Variants in OSBPL8 observed in about 807,000 individuals in gnomAD.
OSBPL8 encodes oxysterol binding protein like 8.
Under a neutral mutation model 125.5 loss-of-function variants are expected in OSBPL8, and 59 were observed. The observed-to-expected ratio is 0.47, with a 90% CI of 0.38 to 0.58. OSBPL8 has a LOEUF of 0.58. Ranked by LOEUF, OSBPL8 falls within the 20% of genes least tolerant of loss-of-function variation. The pLI is 0.00. For missense variants in OSBPL8, 758 were observed against 1,047.8 expected, an observed-to-expected ratio of 0.72 and a Z score of 3.82; for synonymous variants, 330 against 338.9, an observed-to-expected ratio of 0.97 and a Z score of 0.29.
chr12:76,529,528 G>C (rs1375230698), intron 1 of OSBPL8, among the ~76,000 whole-genome samples: 1 of 117,824 alleles, frequency 8.5e-6, no homozygotes, highest in South Asian at 2.7e-4. Flanking sequence ...CTACCAAACA[G>C]AAAAAAAAAA....
intron 2 of OSBPL8, among the ~76,000 whole-genome samples, chr12:76,462,303 A>G (rs915412209): frequency 6.6e-6 from 1 of 152,190 alleles, no homozygotes; most frequent in African/African-American, 2.4e-5. Context: ...AATCCTTAGC[A>G]TATACAACTA....
chr12:76,357,001 T>C (rs1398112866), intron 22 of OSBPL8, among the ~76,000 whole-genome samples: 1 of 152,218 alleles, frequency 6.6e-6, no homozygotes, highest in Non-Finnish European at 1.5e-5. Flanking sequence ...TAGAAATACA[T>C]ATTAACTTGA....
intron 4 of OSBPL8, among the ~76,000 whole-genome samples, chr12:76,427,540 T>TA (rs145544422): frequency 7.3e-5 from 11 of 151,246 alleles, no homozygotes; most frequent in Admixed American, 1.3e-4. Flanking sequence ...CTTCAATAAT[T>TA]AAAAAAAAAC....
chr12:76,407,585 G>C (rs1954323100), intron 5 of OSBPL8, among the ~76,000 whole-genome samples: 1 of 152,186 alleles, frequency 6.6e-6, no homozygotes, highest in Non-Finnish European at 1.5e-5. Flanking sequence ...AGCAACTATA[G>C]ACATCTTAAG....
At chr12:76,513,516 A>T (rs986692148) in intron 1 of OSBPL8, among the ~76,000 whole-genome samples, 7 of 152,190 alleles carry the variant, frequency 4.6e-5, no homozygotes, top group African/African-American at 1.7e-4. Context: ...TAATACTGTC[A>T]GTGGAGTGTT....
chr12:76,454,542 A>G (rs1873784164), intron 3 of OSBPL8, among the ~76,000 whole-genome samples: 1 of 151,976 alleles, frequency 6.6e-6, no homozygotes, highest in South Asian at 2.1e-4. Context: ...AAAAATTAAA[A>G]AAAGTTAGCT....
chr12:76,423,933 T>A (rs1370796928), intron 4 of OSBPL8, among the ~76,000 whole-genome samples: 2 of 152,146 alleles, frequency 1.3e-5, no homozygotes, highest in African/African-American at 4.8e-5. Flanking sequence ...ATGCACAACA[T>A]CTCATATAAT....
intron 2 of OSBPL8, among the ~76,000 whole-genome samples, chr12:76,462,755 A>T (rs1257449669): frequency 6.6e-6 from 1 of 152,196 alleles, no homozygotes; most frequent in Non-Finnish European, 1.5e-5. Context: ...AGGCTTCAAT[A>T]CAGAGTTGAC....
At chr12:76,529,673 T>C (rs981191744) in intron 1 of OSBPL8, among the ~76,000 whole-genome samples, 10 of 152,152 alleles carry the variant, frequency 6.6e-5, no homozygotes, top group Non-Finnish European at 1.5e-4. Flanking sequence ...GAGATAAGAA[T>C]AGGCTCATTA....
At chr12:76,428,728 G>A (rs1870455447) in intron 4 of OSBPL8, among the ~76,000 whole-genome samples, 1 of 152,108 alleles carries the variant, frequency 6.6e-6, no homozygotes, top group South Asian at 2.1e-4. Flanking sequence ...ATGAGTATCT[G>A]AAGACTGTAG....
intron 1 of OSBPL8, among the ~76,000 whole-genome samples, chr12:76,524,528 G>A (rs1950112582): frequency 6.6e-6 from 1 of 151,882 alleles, no homozygotes; most frequent in African/African-American, 2.4e-5. Context: ...TATAATAATT[G>A]GAAAGTGTTG....
At chr12:76,438,390 C>T (rs1465660347) in intron 4 of OSBPL8, among the ~76,000 whole-genome samples, 1 of 151,420 alleles carries the variant, frequency 6.6e-6, no homozygotes, top group Non-Finnish European at 1.5e-5. Context: ...GCAACATCAA[C>T]CTTCCTGTAC....
Position 76,410,939 on chromosome 12 carries a change from G to A in OSBPL8, c.218-305C>T, listed in dbSNP as rs191587340. ...TTCTAGTGAGCTGGTTTCCAGCAAC[G>A]AATTCTAACTCACGGAACCAACTCA... On this transcript the variant is annotated intron_variant, in intron 4 of 23. Transcript: ENST00000261183. Among the ~76,000 whole-genome samples the A allele has an allele frequency of 1.4e-3, 212 of 152,254 alleles. No individual in the cohort carries two copies. The Middle Eastern group carries it at 0.017, about 12-fold the overall frequency.
intron 2 of OSBPL8, among the ~76,000 whole-genome samples, chr12:76,467,421 C>T (rs73383599): frequency 0.033 from 4,987 of 152,238 alleles, 251 homozygotes; most frequent in African/African-American, 0.11. Flanking sequence ...TATGTTTGGA[C>T]ATTATTGCAT....
chr12:76,384,170 T>C (rs1265276583), intron 15 of OSBPL8, 84 bp downstream of exon 15: 10 of 659,060 alleles, frequency 1.5e-5, no homozygotes, highest in Non-Finnish European at 2.4e-5. Context: ...TTGTTGAAAA[T>C]AGCCCATGAC....
intron 1 of OSBPL8, among the ~76,000 whole-genome samples, chr12:76,546,960 G>A (rs893552470): frequency 1.8e-4 from 27 of 152,172 alleles, no homozygotes; most frequent in African/African-American, 6.5e-4. Context: ...TACTATGAAA[G>A]TTCTATAATA....
At chr12:76,447,038 T>C (rs12826628) in intron 4 of OSBPL8, among the ~76,000 whole-genome samples, 32,831 of 152,162 alleles carry the variant, frequency 0.22, 3,770 homozygotes, top group Non-Finnish European at 0.26. Flanking sequence ...GTGATGATCT[T>C]GTCTTTAAAG....
intron 2 of OSBPL8, chr12:76,486,089 T>C (rs1878100157): frequency 4.9e-6 from 2 of 406,284 alleles, no homozygotes; most frequent in African/African-American, 2.1e-5. Context: ...AAGCCAAGAA[T>C]TTCCACACCC....
intron 1 of OSBPL8, among the ~76,000 whole-genome samples, chr12:76,533,165 G>C (rs1950395811): frequency 6.6e-6 from 1 of 151,904 alleles, no homozygotes; most frequent in Admixed American, 6.6e-5. Flanking sequence ...CCTATCATAA[G>C]AAAAAAATAC....
Sources: gnomAD v4.1 joint callset for allele counts (sites outside exome capture counted in the v4.1 genomes callset) on GRCh38, gnomAD v4.1.1 for gene constraint, MANE v1.5 for transcripts, NCBI Gene and HGNC (gene_info 2026-07-23, HGNC 2026-07-21) for gene names.